PCSK5: variants seen among roughly 807,000 people sequenced by gnomAD.
PCSK5 encodes the protein proprotein convertase subtilisin/kexin type 5, also known as prohormone convertase 5.
PCSK5 carries 129 observed loss-of-function variants against 233.2 expected under a neutral mutation model. The ratio of observed to expected loss-of-function variants is 0.55; its 90% CI spans 0.48 to 0.64. The LOEUF is 0.64. Among genes scored for constraint, PCSK5 ranks in the 30% least tolerant of loss-of-function variants. The pLI is 0.00. For synonymous variants in PCSK5, 825 were observed against 879.2 expected (o/e 0.94, Z 1.09); for missense variants, 2,076 against 2,430.1 (o/e 0.85, Z 3.06).
intron 9 of PCSK5, among the ~76,000 whole-genome samples, chr9:76,128,714 T>G (rs893681318): frequency 5.9e-5 from 9 of 152,206 alleles, no homozygotes; most frequent in African/African-American, 2.2e-4. Context: ...TTAGAATATT[T>G]TCACAATAAA....
At chr9:76,119,799 ATCAC>A (rs1293949804) in intron 9 of PCSK5, among the ~76,000 whole-genome samples, 2 of 152,042 alleles carry the variant, frequency 1.3e-5, no homozygotes, top group Non-Finnish European at 2.9e-5. Context: ...AAATAATCCA[ATCAC>A]TCTTTTAGTT....
chr9:76,078,560 G>A (rs556448203), intron 7 of PCSK5, among the ~76,000 whole-genome samples: 10 of 152,062 alleles, frequency 6.6e-5, no homozygotes, highest in Non-Finnish European at 1.0e-4. Flanking sequence ...TTATCCCAGC[G>A]CCATTTATTG....
intron 12 of PCSK5, among the ~76,000 whole-genome samples, chr9:76,164,827 T>C (rs1328295365): frequency 6.6e-6 from 1 of 152,106 alleles, no homozygotes; most frequent in African/African-American, 2.4e-5. Flanking sequence ...CCATCTACTC[T>C]AAAATGAATT....
At chr9:76,007,796 T>TTGTGTGTGTG (rs59860078) in intron 3 of PCSK5, among the ~76,000 whole-genome samples, 7,206 of 128,182 alleles carry the variant, frequency 0.056, 267 homozygotes, top group African/African-American at 0.063. Context: ...CCGGCTAATT[T>TTGTGTGTGTG]TGTGTGTGTG....
chr9:75,935,616 A>G (rs1253944245), intron 2 of PCSK5, among the ~76,000 whole-genome samples: 4 of 152,122 alleles, frequency 2.6e-5, no homozygotes, highest in African/African-American at 9.7e-5. Context: ...CCAGGAACAC[A>G]TTTAGTTGTC....
intron 35 of PCSK5, among the ~76,000 whole-genome samples, chr9:76,340,787 C>A (rs1829810021): frequency 6.6e-6 from 1 of 151,910 alleles, no homozygotes; most frequent in African/African-American, 2.4e-5. Context: ...CTCTTTGACT[C>A]TATGTGAGTT....
chr9:76,336,006 CT>C (rs1353030264), intron 34 of PCSK5, among the ~76,000 whole-genome samples: 28 of 152,306 alleles, frequency 1.8e-4, no homozygotes, highest in African/African-American at 6.5e-4. Flanking sequence ...TGTATTCCCT[CT>C]GCTCTGTGTA....
At chr9:75,892,060 T>C (rs1315279307) in intron 1 of PCSK5, among the ~76,000 whole-genome samples, 1 of 152,094 alleles carries the variant, frequency 6.6e-6, no homozygotes, top group Non-Finnish European at 1.5e-5. Context: ...GGTGGGAAAC[T>C]TCCGAAACCG....
intron 5 of PCSK5, among the ~76,000 whole-genome samples, chr9:76,064,363 A>ACC (rs1161111793): frequency 1.3e-5 from 1 of 77,442 alleles, no homozygotes; most frequent in Non-Finnish European, 2.5e-5. Flanking sequence ...CGGGGGGCTG[A>ACC]CCCCCCCACC....
chr9:75,904,929 T>C (rs1235129236), intron 1 of PCSK5, among the ~76,000 whole-genome samples: 1 of 152,174 alleles, frequency 6.6e-6, no homozygotes, highest in African/African-American at 2.4e-5. Context: ...TGGATACAAT[T>C]TGGTGTATTC....
chr9:75,968,308 C>T (rs1374198041), intron 2 of PCSK5, among the ~76,000 whole-genome samples: 1 of 152,258 alleles, frequency 6.6e-6, no homozygotes, highest in Admixed American at 6.5e-5. Context: ...AAGGTCTTGA[C>T]TGCCAGTCTA....
At chr9:76,317,080 T>C (rs928455023) in intron 30 of PCSK5, among the ~76,000 whole-genome samples, 3 of 152,158 alleles carry the variant, frequency 2.0e-5, no homozygotes, top group African/African-American at 7.2e-5. Flanking sequence ...ATCAGAAATA[T>C]GACTTTTTGG....
intron 2 of PCSK5, among the ~76,000 whole-genome samples, chr9:75,957,152 T>G (rs968610841): frequency 6.6e-6 from 1 of 152,074 alleles, no homozygotes; most frequent in African/African-American, 2.4e-5. Context: ...ATACCCACCT[T>G]TTTCAACAGC....
intron 3 of PCSK5, among the ~76,000 whole-genome samples, chr9:75,997,554 G>T (rs1827075221): frequency 6.6e-6 from 1 of 152,186 alleles, no homozygotes; most frequent in Non-Finnish European, 1.5e-5. Context: ...CAAGCCGAAA[G>T]AGCTGCTCCA....
chr9:76,289,969 T>C (rs192382808), intron 24 of PCSK5, among the ~76,000 whole-genome samples: 1 of 152,318 alleles, frequency 6.6e-6, no homozygotes, highest in Admixed American at 6.5e-5. Context: ...TTTTCATCAG[T>C]GACCTGCTTA....
At chr9:76,001,690 G>A (rs968289200) in intron 3 of PCSK5, among the ~76,000 whole-genome samples, 4 of 152,128 alleles carry the variant, frequency 2.6e-5, no homozygotes, top group Non-Finnish European at 4.4e-5. Flanking sequence ...GCACAATAGT[G>A]TATAATTATT....
At chr9:75,996,566 G>A (rs1326335418) in intron 3 of PCSK5, among the ~76,000 whole-genome samples, 1 of 152,190 alleles carries the variant, frequency 6.6e-6, no homozygotes, top group African/African-American at 2.4e-5. Flanking sequence ...AAATTAACCT[G>A]TAAGTAACTA....
intron 3 of PCSK5, among the ~76,000 whole-genome samples, chr9:76,016,577 A>G (rs774377018): frequency 3.3e-5 from 5 of 152,224 alleles, no homozygotes; most frequent in African/African-American, 4.8e-5. Flanking sequence ...AGCATAAAAC[A>G]TGGTTTAGCA....
chr9:76,143,667 CCTT>C (rs1339277899), intron 10 of PCSK5, among the ~76,000 whole-genome samples: 1 of 151,006 alleles, frequency 6.6e-6, no homozygotes, highest in Non-Finnish European at 1.5e-5. Context: ...CATCTCTTGG[CCTT>C]CTTCTAAATG....
Sources: allele counts gnomAD v4.1 joint callset (sites outside exome capture counted in the v4.1 genomes callset), GRCh38; gene constraint gnomAD v4.1.1; transcripts MANE v1.5; gene names NCBI Gene and HGNC (gene_info 2026-07-23, HGNC 2026-07-21).